TRIM29: variants seen among roughly 807,000 people sequenced by gnomAD.
TRIM29 encodes the protein tripartite motif containing 29.
In TRIM29, 52 loss-of-function variants were observed where a neutral mutation model predicts 57.3. The ratio of observed to expected loss-of-function variants is 0.91; its 90% CI spans 0.73 to 1.14. The LOEUF (loss-of-function observed/expected upper bound fraction) is 1.14, where lower values mean the gene tolerates loss of function less well. Among genes scored for constraint, TRIM29 ranks in the 50% most tolerant of loss-of-function variants. The probability of loss-of-function intolerance (pLI) is 0.00; values close to 1 mark genes in which losing one functional copy is unlikely to be tolerated. For synonymous variants in TRIM29, 319 were observed against 316.9 expected (o/e 1.01, Z -0.07); for missense variants, 753 against 774.6 (o/e 0.97, Z 0.33).
intron 7 of TRIM29, chr11:120,115,911 T>C (rs1394827338): frequency 1.2e-5 from 2 of 162,920 alleles, no homozygotes; most frequent in Non-Finnish European, 2.7e-5. Context: ...AGGGACTTTG[T>C]AGATGTCTCC....
chr11:120,120,827 T>G, intron 5 of TRIM29, 162 bp from the exon 6 acceptor site: 1 of 707,032 alleles, frequency 1.4e-6, no homozygotes, highest in South Asian at 1.5e-5. Context: ...ATCACCCAAA[T>G]TGGCATGCTT....
At chr11:120,133,519 A>T (rs1177059837) in intron 1 of TRIM29, among the ~76,000 whole-genome samples, 3 of 151,336 alleles carry the variant, frequency 2.0e-5, no homozygotes, top group Non-Finnish European at 4.4e-5. Flanking sequence ...CCCCCTTAGC[A>T]CCCAGAGAGG....
Position 120,111,998 on chromosome 11 carries a change from T to C in TRIM29, c.*416A>G, listed in dbSNP as rs1863146097. The C allele has an allele frequency of 4.7e-6, 1 of 213,146 alleles. No individual in the cohort carries two copies. Among genetic ancestry groups the C allele is most frequent in the Non-Finnish European group, 9.4e-6 (1 of 106,168 alleles). 13.2% of individuals were successfully genotyped at this position (213,146 alleles called of 1,614,324 possible). A position where few individuals can be genotyped will look rare whatever the true frequency, so the allele number is the denominator to read the frequency against. ...GGCATCTGCTGACAACATTGGGGGA[T>C]AGGGCCTTGGAGAGAAACGTCTATA... is the stretch of plus-strand genomic sequence containing the variant. On this transcript the variant is annotated 3_prime_UTR_variant, in exon 9 of 9. Transcript: ENST00000341846.
intron 1 of TRIM29, among the ~76,000 whole-genome samples, chr11:120,136,986 C>CG (rs1863829569): frequency 2.0e-5 from 3 of 152,266 alleles, no homozygotes; most frequent in Middle Eastern, 6.8e-3. Context: ...AGTCTCCATC[C>CG]GCTCATCTAG....
intron 8 of TRIM29, 91 bp from the exon 9 acceptor site, chr11:120,112,567 G>A: frequency 7.1e-7 from 1 of 1,406,180 alleles, no homozygotes; most frequent in Non-Finnish European, 1.0e-6. Context: ...TCAGGAGGCA[G>A]CAGTGATCCA....
intron 1 of TRIM29, among the ~76,000 whole-genome samples, chr11:120,133,531 C>T (rs1863757997): frequency 6.6e-6 from 1 of 152,056 alleles, no homozygotes; most frequent in East Asian, 1.9e-4. Flanking sequence ...CCAGAGAGGC[C>T]CCCCTACCTC....
chr11:120,120,762 G>T, intron 5 of TRIM29, 97 bp from the exon 6 acceptor site: 2 of 979,720 alleles, frequency 2.0e-6, no homozygotes, highest in Middle Eastern at 2.0e-4. Context: ...ACAGGACCTG[G>T]ATTCCACCAC....
chr11:120,112,291 G>T lies in TRIM29; in HGVS notation c.*123C>A. ...GCCCCCAAGAGGCTGGCAGAGGGCT[G>T]CAGAGGGCAGGTGCAGGACCAGGCT... On this transcript the variant is annotated 3_prime_UTR_variant, in exon 9 of 9. Transcript: ENST00000341846. 2 of 1,174,238 alleles carry T rather than the reference G, an allele frequency of 1.7e-6. No individual in the cohort carries two copies. The highest frequency in any genetic ancestry group is 1.2e-6 in the Non-Finnish European group (1 of 818,650). 72.7% of individuals were successfully genotyped at this position (1,174,238 alleles called of 1,614,324 possible).
At chr11:120,136,268 C>A (rs1459804917) in intron 1 of TRIM29, among the ~76,000 whole-genome samples, 2 of 152,172 alleles carry the variant, frequency 1.3e-5, no homozygotes, top group Admixed American at 6.5e-5. Context: ...ATACACCTAG[C>A]CTACCAAGCA....
intron 6 of TRIM29, among the ~76,000 whole-genome samples, chr11:120,119,391 T>C (rs1405177787): frequency 6.6e-6 from 1 of 151,848 alleles, no homozygotes; most frequent in Non-Finnish European, 1.5e-5. Context: ...ATGGCTGGGG[T>C]TGGCCACCTG....
intron 5 of TRIM29, chr11:120,120,943 G>C (rs903370296): frequency 5.8e-6 from 3 of 514,128 alleles, no homozygotes; most frequent in African/African-American, 1.9e-5. Context: ...TCAGCCACGT[G>C]AGGGTGGGGC....
intron 3 of TRIM29, 88 bp downstream of exon 3, chr11:120,127,248 G>T: frequency 8.9e-7 from 1 of 1,125,698 alleles, no homozygotes; most frequent in South Asian, 1.4e-5. Flanking sequence ...TGGATAAGTG[G>T]ATAGGTGGAT....
Position 120,137,795 on chromosome 11 carries a change from G to A in TRIM29, c.237C>T (p.Ile79=). The A allele has an allele frequency of 1.9e-6, 3 of 1,612,404 alleles. No individual in the cohort carries two copies. The highest frequency in any genetic ancestry group is 2.7e-5 in the African/African-American group (2 of 75,060). ...LFAGNEWRRP[I]IQFVESGDDK... Reference sequence around the variant, plus strand: ...CGTCCCCGGACTCGACAAACTGGATGATGGGTCGCCGCCACTCATTGCCCG... The same window carrying A: ...CGTCCCCGGACTCGACAAACTGGATAATGGGTCGCCGCCACTCATTGCCCG... The change falls in exon 1 of 9, where the codon ATC becomes ATT. Residue 79 remains isoleucine, a synonymous_variant. Coordinates refer to ENST00000341846, the MANE Select transcript of TRIM29 (RefSeq NM_012101.4). This position sits in a 1 kb window ranked among gnomAD's most constrained non-coding sequence, Gnocchi z 6.2.
chr11:120,125,435 A>G, intron 4 of TRIM29: 1 of 508,210 alleles, frequency 2.0e-6, no homozygotes, highest in South Asian at 2.7e-5. Flanking sequence ...GAGAGGAGGC[A>G]TTTGTGGAGC....
intron 1 of TRIM29, among the ~76,000 whole-genome samples, chr11:120,136,144 C>A (rs1863809699): frequency 6.6e-6 from 1 of 152,186 alleles, no homozygotes; most frequent in South Asian, 2.1e-4. Context: ...GGCACAAAAA[C>A]ACCCACGTGC....
intron 1 of TRIM29, among the ~76,000 whole-genome samples, chr11:120,132,582 C>T (rs1041673730): frequency 2.0e-5 from 3 of 152,180 alleles, no homozygotes; most frequent in Non-Finnish European, 4.4e-5. Flanking sequence ...AGTGCCTCAA[C>T]CTGGACGTGG....
chr11:120,125,954 C>A, intron 3 of TRIM29, 65 bp from the exon 4 acceptor site: 1 of 1,531,068 alleles, frequency 6.5e-7, no homozygotes, highest in South Asian at 1.2e-5. Context: ...CGCTTCTCTG[C>A]CAGGGGCTCT....
In TRIM29 at chr11:120,138,012, G is replaced by A. The variant is rs1184028395; in HGVS notation, c.20C>T (p.Ser7Phe). 4 of 1,599,470 alleles carry A rather than the reference G, an allele frequency of 2.5e-6. No individual in the cohort carries two copies. In the African/African-American group the frequency reaches 4.0e-5, roughly 16 times the overall value. Residue 7 changes from serine (S) to phenylalanine (F), a missense_variant, in exon 1 of 9, where the codon TCC becomes TTC. Coordinates refer to ENST00000341846, the MANE Select transcript of TRIM29 (RefSeq NM_012101.4). ...TTCTGGGCTCGACCCGTTGCTCCTG[G>A]AGGCATCTGCAGCTTCCATCGCAGG... MEAADA[S>F]RSNGSSPEAR...
At chr11:120,115,524 GC>G in intron 7 of TRIM29, 110 bp from the exon 8 acceptor site, 1 of 934,014 alleles carries the variant, frequency 1.1e-6, no homozygotes, top group Non-Finnish European at 1.6e-6. Context: ...GCATCATCCA[GC>G]CCATTACCAA....
Sources: allele counts gnomAD v4.1 joint callset (sites outside exome capture counted in the v4.1 genomes callset), GRCh38; gene constraint gnomAD v4.1.1; non-coding constraint Gnocchi (gnomAD v3.1); transcripts MANE v1.5; gene names NCBI Gene and HGNC (gene_info 2026-07-23, HGNC 2026-07-21).